The following GEMIN8 variants were observed in gnomAD, a reference collection of about 807,000 sequenced individuals.
GEMIN8 encodes gem nuclear organelle associated protein 8.
For synonymous variants in GEMIN8, 80 were observed against 78.5 expected (o/e 1.02, Z -0.10); for missense variants, 185 against 205.9 (o/e 0.90, Z 0.62).
At chrX:14,019,147 C>T (rs1039769428) in intron 4 of GEMIN8, among the ~76,000 whole-genome samples, 1 of 111,822 alleles carries the variant, frequency 8.9e-6, no homozygotes, top group Non-Finnish European at 1.9e-5. Flanking sequence ...AACTCCCATT[C>T]CCAGGTTTCT....
At chrX:14,027,853 T>C (rs1924774655) in intron 1 of GEMIN8, among the ~76,000 whole-genome samples, 1 of 112,050 alleles carries the variant, frequency 8.9e-6, no homozygotes, top group South Asian at 3.7e-4. Context: ...AGCAATGGGA[T>C]GACTGAGAAT....
intron 4 of GEMIN8, among the ~76,000 whole-genome samples, chrX:14,015,383 T>C (rs1012949965): frequency 1.2e-4 from 13 of 112,936 alleles, no homozygotes; most frequent in African/African-American, 1.9e-4. Context: ...TTATTTTCCA[T>C]TGAAGCTTTA....
chrX:13,995,400 C>T, the GEMIN8 span, among the ~76,000 whole-genome samples: 1 of 112,072 alleles, frequency 8.9e-6, no homozygotes, highest in African/African-American at 3.2e-5. Flanking sequence ...GTGTTCAGTG[C>T]ACAGCAAGCT....
In GEMIN8 at chrX:14,007,220, G is replaced by A. The variant is rs1235091551; in HGVS notation, c.*1693C>T. On this transcript the variant is annotated 3_prime_UTR_variant, in exon 5 of 5. Coordinates refer to ENST00000680255, the MANE Select transcript of GEMIN8 (RefSeq NM_001042479.2). ...AGCACCCAGGGCTGATGAAAATAAT[G>A]CATTTGTCTCAGGGCAGGGGCTGAA... Among the ~76,000 whole-genome samples, 1 of 111,873 alleles carries A rather than the reference G, an allele frequency of 8.9e-6. No homozygotes were observed.
intron 4 of GEMIN8, chrX:14,014,231 C>T: frequency 1.3e-6 from 1 of 751,610 alleles, no homozygotes; most frequent in Non-Finnish European, 1.6e-6. Flanking sequence ...GCTATTTTGC[C>T]AAAATGAATA....
chrX:13,997,898 CAA>C, the GEMIN8 span, among the ~76,000 whole-genome samples: 1,606 of 45,045 alleles, frequency 0.036, 16 homozygotes, highest in Non-Finnish European at 0.047. Context: ...GACTCTGTCT[CAA>C]AAAAAAAAAA....
chrX:13,997,478 C>T, the GEMIN8 span, among the ~76,000 whole-genome samples: 1 of 112,021 alleles, frequency 8.9e-6, no homozygotes, highest in African/African-American at 3.2e-5. Flanking sequence ...TGGCAGAAGA[C>T]CCACCTAGCT....
intron 4 of GEMIN8, among the ~76,000 whole-genome samples, chrX:14,011,278 A>G (rs768085490): frequency 1.2e-4 from 13 of 111,362 alleles, no homozygotes; most frequent in African/African-American, 3.9e-4. Flanking sequence ...GACTGGTGAG[A>G]TATATTCAGT....
chrX:14,009,222 C>T lies in GEMIN8; in HGVS notation c.473-53G>A, dbSNP rs1923362619. On this transcript the variant is annotated intron_variant, in intron 4 of 4. Coordinates refer to ENST00000680255, the MANE Select transcript of GEMIN8 (RefSeq NM_001042479.2). ...AACATAAACACACGTGTGTGCACTGCAGAAGGAGCCCAGTGAGTGCTGCTG... is the reference window on the plus strand; with the variant it reads ...AACATAAACACACGTGTGTGCACTGTAGAAGGAGCCCAGTGAGTGCTGCTG... 2.6e-6 allele frequency: 3 copies of T among 1,142,484 alleles called. No homozygotes were observed. In the East Asian group the frequency reaches 9.0e-5, roughly 34 times the overall value. The allele number at this position is 1,142,484 out of a possible 1,213,427, so 94.2% of individuals were successfully genotyped here.
At chrX:13,988,050 G>A in the GEMIN8 span, among the ~76,000 whole-genome samples, 2 of 111,679 alleles carry the variant, frequency 1.8e-5, no homozygotes, top group African/African-American at 6.5e-5. Flanking sequence ...GGATTACAAT[G>A]GCTGGTTTAG....
chrX:13,997,430 C>A, the GEMIN8 span, among the ~76,000 whole-genome samples: 2 of 111,849 alleles, frequency 1.8e-5, no homozygotes, highest in Admixed American at 9.5e-5. Flanking sequence ...GCTGACCCAT[C>A]AGCTGACTGC....
At chrX:14,000,468 G>A in the GEMIN8 span, among the ~76,000 whole-genome samples, 1 of 109,721 alleles carries the variant, frequency 9.1e-6, no homozygotes, top group African/African-American at 3.3e-5. Flanking sequence ...GTGGTGGCGG[G>A]CGCCTGTACT....
At chrX:14,010,763 T>C (rs1297711689) in intron 4 of GEMIN8, among the ~76,000 whole-genome samples, 3 of 111,939 alleles carry the variant, frequency 2.7e-5, no homozygotes, top group African/African-American at 9.7e-5. Flanking sequence ...TCAAACACAA[T>C]AAAAGCTGCG....
In GEMIN8 at chrX:14,009,128, C is replaced by T. The variant is rs145874697; in HGVS notation, c.514G>A (p.Val172Met). 1,120 of 1,209,038 alleles carry T rather than the reference C, an allele frequency of 9.3e-4. No homozygotes were observed. Among genetic ancestry groups the T allele is most frequent in the Non-Finnish European group, 1.1e-3 (963 of 893,725 alleles). Residue 172 changes from valine to methionine, a missense_variant, in exon 5 of 5, where the codon GTG becomes ATG. Coordinates refer to ENST00000680255, the MANE Select transcript of GEMIN8 (RefSeq NM_001042479.2). ...QLDAERLDSY[V>M]NADHDLYCNT... is the part of the protein sequence containing the mutation. ...CAGTACAGGTCGTGGTCAGCGTTCA[C>T]ATAGCTGTCCAGGCGCTCTGCATCC...
At chrX:14,021,836 A>G (rs959696068) in intron 2 of GEMIN8, among the ~76,000 whole-genome samples, 1 of 95,037 alleles carries the variant, frequency 1.1e-5, no homozygotes, top group Non-Finnish European at 2.1e-5. Context: ...ATATATATAT[A>G]TATATATAGT....
chrX:13,985,263 A>G, the GEMIN8 span, among the ~76,000 whole-genome samples: 1 of 112,064 alleles, frequency 8.9e-6, no homozygotes, highest in Non-Finnish European at 1.9e-5. Context: ...TTATGGGGTA[A>G]GCACTGCCCC....
In GEMIN8 at chrX:14,008,281, G is replaced by A. The variant is rs1443811750; in HGVS notation, c.*632C>T. ...CATGAACCATTGCGCCCGGCCGCCT[G>A]TTTTTATAAATAAAGTTTTATTAGA... On this transcript the variant is annotated 3_prime_UTR_variant, in exon 5 of 5. Transcript: ENST00000680255. 3.6e-5 allele frequency: 4 copies of A among 112,377 alleles called. No individual in the cohort carries two copies. The highest frequency in any genetic ancestry group is 9.7e-5 in the African/African-American group (3 of 30,872). 9.3% of individuals were successfully genotyped at this position (112,377 alleles called of 1,213,427 possible). A position where few individuals can be genotyped will look rare whatever the true frequency, so the allele number is the denominator to read the frequency against.
At chrX:14,021,814 G>GTATATATATATATATATATA (rs147147045) in intron 2 of GEMIN8, among the ~76,000 whole-genome samples, 15 of 78,266 alleles carry the variant, frequency 1.9e-4, no homozygotes, top group African/African-American at 6.2e-4. Flanking sequence ...TAATGTGTGT[G>GTATATATATATATATATATA]TATATATATA....
At chrX:14,016,144 A>G (rs919546619) in intron 4 of GEMIN8, among the ~76,000 whole-genome samples, 6 of 112,173 alleles carry the variant, frequency 5.3e-5, no homozygotes, top group Admixed American at 9.4e-5. Context: ...CTGACACCAC[A>G]GTCTGTTCTC....
Sources: gnomAD v4.1 joint callset for allele counts (sites outside exome capture counted in the v4.1 genomes callset) on GRCh38, gnomAD v4.1.1 for gene constraint, MANE v1.5 for transcripts, NCBI Gene and HGNC (gene_info 2026-07-23, HGNC 2026-07-21) for gene names.